The following LRRIQ1 variants were observed in gnomAD, a reference collection of about 807,000 sequenced individuals.
The protein encoded by LRRIQ1 is leucine rich repeats and IQ motif containing 1, also known as leucine-rich repeat- and IQ domain-containing protein 1.
In LRRIQ1, 210 loss-of-function variants were observed where a neutral mutation model predicts 211.9. The observed-to-expected ratio is 0.99, with a 90% CI of 0.89 to 1.11. LRRIQ1 has a LOEUF of 1.11. Ranked by LOEUF, LRRIQ1 falls within the 50% of genes most tolerant of loss-of-function variation. The pLI, the probability that LRRIQ1 is intolerant of heterozygous loss-of-function variation, is 0.00. For synonymous variants in LRRIQ1, 699 were observed against 650.1 expected (o/e 1.08, Z -1.14); for missense variants, 2,136 against 1,939.5 (o/e 1.10, Z -1.90).
chr12:85,189,819 A>C (rs1892402624), intron 24 of LRRIQ1, among the ~76,000 whole-genome samples: 1 of 145,806 alleles, frequency 6.9e-6, no homozygotes, highest in East Asian at 2.0e-4. Context: ...TACAGTTAAT[A>C]TAAATAATAA....
chr12:85,131,448 T>C (rs375890473), intron 18 of LRRIQ1, among the ~76,000 whole-genome samples: 1 of 152,078 alleles, frequency 6.6e-6, no homozygotes, highest in African/African-American at 2.4e-5. Context: ...ATTTTTACTC[T>C]GTTATAGCAC....
chr12:85,096,706 T>A (rs891978634), intron 11 of LRRIQ1, among the ~76,000 whole-genome samples: 38 of 152,168 alleles, frequency 2.5e-4, no homozygotes, highest in African/African-American at 9.2e-4. Flanking sequence ...AAGTCTAGAA[T>A]TTCTTTGTTG....
At chr12:85,076,514 A>G (rs1883672179) in intron 11 of LRRIQ1, 1 of 352,150 alleles carries the variant, frequency 2.8e-6, no homozygotes, top group Non-Finnish European at 4.0e-6. Context: ...TTATCATGTA[A>G]ATAGTAGAGA....
intron 24 of LRRIQ1, 57 bp from the exon 25 acceptor site, chr12:85,229,460 T>C: frequency 1.4e-6 from 2 of 1,460,142 alleles, no homozygotes; most frequent in Non-Finnish European, 1.8e-6. Context: ...ATGGAACTGG[T>C]TGGCCAAAGT....
chr12:85,236,367 A>C (rs886400974), intron 26 of LRRIQ1, among the ~76,000 whole-genome samples: 1 of 152,176 alleles, frequency 6.6e-6, no homozygotes, highest in African/African-American at 2.4e-5. Flanking sequence ...CTTAATATCT[A>C]AATACAGAAA....
At chr12:85,208,358 GCTTTCTGA>G in intron 24 of LRRIQ1, among the ~76,000 whole-genome samples, 1 of 152,076 alleles carries the variant, frequency 6.6e-6, no homozygotes, top group African/African-American at 2.4e-5. Flanking sequence ...CACTTAAAAA[GCTTTCTGA>G]GTTGAAACAG....
Position 85,056,610 on chromosome 12 carries a change from T to G in LRRIQ1, c.1817T>G (p.Val606Gly). ...GLLYKDKDTL[V>G]ISVKQRSLSL... ...TTATATAAAGATAAGGATACTTTAG[T>G]TATTTCAGTGAAACAAAGATCACTC... Residue 606 changes from valine to glycine, a missense_variant, in exon 8 of 27, where the codon GTT (valine) becomes GGT (glycine). Coordinates refer to ENST00000393217, the MANE Select transcript of LRRIQ1 (RefSeq NM_001079910.2). 1 of 1,594,530 alleles carries G rather than the reference T, an allele frequency of 6.3e-7. No individual in the cohort carries two copies. The highest frequency in any genetic ancestry group is 8.5e-7 in the Non-Finnish European group (1 of 1,172,206).
At chr12:85,123,681 G>A (rs1888149735) in intron 16 of LRRIQ1, among the ~76,000 whole-genome samples, 1 of 151,968 alleles carries the variant, frequency 6.6e-6, no homozygotes, top group Non-Finnish European at 1.5e-5. Context: ...TATTTTGCGT[G>A]GCAAAAGTCA....
chr12:85,104,023 C>A lies in LRRIQ1; in HGVS notation c.3229C>A (p.Leu1077Ile), dbSNP rs1886589855. 2 of 1,568,954 alleles carry A rather than the reference C, an allele frequency of 1.3e-6. No homozygotes were observed. The change falls in exon 14 of 27, where the codon CTT (leucine) becomes ATT (isoleucine). Residue 1077 changes from leucine to isoleucine, a missense_variant. By Grantham distance (5) the Leu-to-Ile change is conservative. Transcript: ENST00000393217. ...SQNSLTKIVP[L>I]FHFVSLEKLD... ...TTTCAGCTTGACTAAAATCGTACCA[C>A]TTTTTCATTTTGTTTCATTGGAAAA...
the LRRIQ1 span, among the ~76,000 whole-genome samples, chr12:85,271,775 A>G: frequency 6.6e-6 from 1 of 152,086 alleles, no homozygotes; most frequent in Non-Finnish European, 1.5e-5. Context: ...ATATTTTTTA[A>G]CTTTAATTTG....
chr12:85,193,129 A>T (rs1427556582), intron 24 of LRRIQ1, among the ~76,000 whole-genome samples: 1 of 127,352 alleles, frequency 7.9e-6, no homozygotes, highest in Non-Finnish European at 1.6e-5. Flanking sequence ...AATTATATAT[A>T]TTTTTATATA....
chr12:85,263,584 G>C (rs1437955833), exon 2 of LRRIQ1: 1 of 151,800 alleles, frequency 6.6e-6, no homozygotes, highest in East Asian at 1.9e-4. Flanking sequence ...AGATTAGAGA[G>C]TAATGATAAA....
At chr12:85,206,490 G>A (rs1451867490) in intron 24 of LRRIQ1, among the ~76,000 whole-genome samples, 2 of 152,236 alleles carry the variant, frequency 1.3e-5, no homozygotes, top group South Asian at 2.1e-4. Flanking sequence ...TGCACTGACA[G>A]CAATGGTCCA....
intron 24 of LRRIQ1, among the ~76,000 whole-genome samples, chr12:85,186,657 A>G (rs1892242247): frequency 6.6e-6 from 1 of 152,098 alleles, no homozygotes; most frequent in African/African-American, 2.4e-5. Context: ...TGCAAAAAAT[A>G]TATTTTTTTA....
At chr12:85,128,307 C>T (rs1438226677) in intron 18 of LRRIQ1, among the ~76,000 whole-genome samples, 1 of 152,126 alleles carries the variant, frequency 6.6e-6, no homozygotes, top group Non-Finnish European at 1.5e-5. Context: ...ATATTTAAAA[C>T]TTCTCATCAA....
At position 85,153,012 on chromosome 12, in the gene LRRIQ1, T is replaced by G; in HGVS notation, c.4420-12T>G. 3 of 1,533,882 alleles carry G rather than the reference T, an allele frequency of 2.0e-6. No individual in the cohort carries two copies. Among genetic ancestry groups the G allele is most frequent in the Non-Finnish European group, 2.7e-6 (3 of 1,127,254 alleles). On this transcript the variant is annotated splice_polypyrimidine_tract_variant and intron_variant, in intron 20 of 26. Coordinates refer to ENST00000393217, the MANE Select transcript of LRRIQ1 (RefSeq NM_001079910.2). The stretch of plus-strand genomic sequence containing the variant: ...ATTTTACTTCACACTTATTTACTTT[T>G]TTTGTGAAAAGATTCCTGGAAACTT...
chr12:85,257,109 A>C (rs1390328377), intron 1 of LRRIQ1, among the ~76,000 whole-genome samples: 2 of 64,548 alleles, frequency 3.1e-5, no homozygotes, highest in Non-Finnish European at 6.2e-5. Flanking sequence ...ATATAAATAT[A>C]TATAATTACA....
At chr12:85,179,081 A>G (rs748359862) in intron 24 of LRRIQ1, among the ~76,000 whole-genome samples, 4 of 151,898 alleles carry the variant, frequency 2.6e-5, no homozygotes, top group Non-Finnish European at 5.9e-5. Context: ...TAACAACCGA[A>G]TATCTCCCTC....
At chr12:85,192,457 TA>T (rs1892579265) in intron 24 of LRRIQ1, among the ~76,000 whole-genome samples, 1 of 119,380 alleles carries the variant, frequency 8.4e-6, no homozygotes, top group South Asian at 2.4e-4. Context: ...TATAGTTATA[TA>T]ATATAATTAT....
Sources: gnomAD v4.1 joint callset for allele counts (sites outside exome capture counted in the v4.1 genomes callset) on GRCh38, gnomAD v4.1.1 for gene constraint, MANE v1.5 for transcripts, NCBI Gene and HGNC (gene_info 2026-07-23, HGNC 2026-07-21) for gene names.